Variants in GRM7 observed in about 807,000 individuals in gnomAD.
GRM7 encodes glutamate metabotropic receptor 7, also known as metabotropic glutamate receptor 7.
GRM7 carries 35 observed loss-of-function variants against 84.5 expected under a neutral mutation model. The observed-to-expected ratio is 0.41, with a 90% confidence interval of 0.32 to 0.55. The LOEUF is 0.55. Among genes scored for constraint, GRM7 ranks in the 20% least tolerant of loss-of-function variants. The pLI, the probability that GRM7 is intolerant of heterozygous loss-of-function variation, is 0.19. For synonymous variants in GRM7, 487 were observed against 455.1 expected (o/e 1.07, Z -0.89); for missense variants, 1,003 against 1,194.6 (o/e 0.84, Z 2.36).
Position 6,894,473 on chromosome 3 carries a change from A to C in GRM7, c.519+32566A>C, listed in dbSNP as rs1033958704. Among the ~76,000 whole-genome samples the C allele has an allele frequency of 4.6e-5, 7 of 152,154 alleles. No homozygotes were observed. The South Asian group carries it at 1.2e-3, about 27-fold the overall frequency. On this transcript the variant is annotated intron_variant, in intron 1 of 9. Coordinates refer to ENST00000357716, the MANE Select transcript of GRM7 (RefSeq NM_000844.4). Reference sequence around the variant, plus strand: ...TATGTCATCTATTGTTTCTATCCTAAAAATGCTAGAATGGGAGCAAATAAG... The same window carrying C: ...TATGTCATCTATTGTTTCTATCCTACAAATGCTAGAATGGGAGCAAATAAG...
chr3:6,979,117 A>T (rs190176767), intron 1 of GRM7, among the ~76,000 whole-genome samples: 18 of 152,264 alleles, frequency 1.2e-4, no homozygotes, highest in African/African-American at 3.6e-4. Context: ...ACACTAAAAT[A>T]TTTCCCAGTA....
chr3:7,059,389 AT>A (rs1237480503), intron 1 of GRM7, among the ~76,000 whole-genome samples: 1 of 151,736 alleles, frequency 6.6e-6, no homozygotes, highest in African/African-American at 2.4e-5. Context: ...TAAGCCACAG[AT>A]TTTTAAAACT....
chr3:7,135,746 A>G (rs1259251599), intron 1 of GRM7, among the ~76,000 whole-genome samples: 3 of 152,172 alleles, frequency 2.0e-5, no homozygotes, highest in Non-Finnish European at 4.4e-5. Context: ...ATACAGAGGA[A>G]TAATACAAAA....
chr3:7,098,181 T>C (rs1056781386), intron 1 of GRM7, among the ~76,000 whole-genome samples: 1 of 152,088 alleles, frequency 6.6e-6, no homozygotes, highest in Non-Finnish European at 1.5e-5. Context: ...TTGTGTGTTA[T>C]GAATGTTGAA....
At chr3:7,405,729 T>C (rs973760767) in intron 4 of GRM7, among the ~76,000 whole-genome samples, 1 of 152,172 alleles carries the variant, frequency 6.6e-6, no homozygotes, top group East Asian at 1.9e-4. Context: ...ATATTTTATA[T>C]ACATATTTTT....
chr3:7,394,270 A>G (rs1459896724), intron 4 of GRM7, among the ~76,000 whole-genome samples: 1 of 152,200 alleles, frequency 6.6e-6, no homozygotes, highest in Non-Finnish European at 1.5e-5. Flanking sequence ...ACCTACTCAG[A>G]TATCTCCAAA....
At chr3:7,218,537 G>A (rs1469424597) in intron 2 of GRM7, among the ~76,000 whole-genome samples, 2 of 151,868 alleles carry the variant, frequency 1.3e-5, no homozygotes, top group African/African-American at 4.8e-5. Flanking sequence ...AAGCTTAAAA[G>A]GAAAGGTAAA....
intron 2 of GRM7, among the ~76,000 whole-genome samples, chr3:7,171,478 C>T (rs1312913276): frequency 1.3e-5 from 2 of 152,128 alleles, no homozygotes; most frequent in African/African-American, 4.8e-5. Context: ...TAATTCAACT[C>T]ACAGCTATAG....
chr3:6,943,664 A>G (rs771243546), intron 1 of GRM7, among the ~76,000 whole-genome samples: 2 of 152,020 alleles, frequency 1.3e-5, no homozygotes, highest in Non-Finnish European at 2.9e-5. Context: ...TATGTTGCCT[A>G]TTCTAAATAT....
chr3:7,210,801 G>T (rs925458550), intron 2 of GRM7, among the ~76,000 whole-genome samples: 11 of 145,724 alleles, frequency 7.5e-5, no homozygotes, highest in Non-Finnish European at 9.1e-5. Flanking sequence ...GCTGTGTATT[G>T]TTTTTTTTTT....
In GRM7 at chr3:6,901,309, A is replaced by T. The variant is rs546916555; in HGVS notation, c.519+39402A>T. On this transcript the variant is annotated intron_variant, in intron 1 of 9. Transcript: ENST00000357716. ...TTCCTACCAGTTTAGCAATAAGAAG[A>T]TTTATGTAGGCTGGGCGCAGTGGCT... Among the ~76,000 whole-genome samples the T allele has an allele frequency of 3.9e-5, 6 of 152,256 alleles. No homozygotes were observed. The East Asian group carries it at 1.2e-3, about 29-fold the overall frequency.
chr3:7,372,225 A>G (rs186153942), intron 4 of GRM7, among the ~76,000 whole-genome samples: 1 of 152,198 alleles, frequency 6.6e-6, no homozygotes, highest in African/African-American at 2.4e-5. Context: ...TGGCATTCAC[A>G]TTGAGATTTG....
At chr3:7,355,401 C>T (rs1418558137) in intron 4 of GRM7, among the ~76,000 whole-genome samples, 2 of 151,990 alleles carry the variant, frequency 1.3e-5, no homozygotes, top group Non-Finnish European at 2.9e-5. Flanking sequence ...CTGTTCTGCC[C>T]CTTGGTCCAT....
intron 1 of GRM7, among the ~76,000 whole-genome samples, chr3:6,908,752 TC>T (rs1411233384): frequency 2.6e-5 from 4 of 152,150 alleles, no homozygotes; most frequent in Non-Finnish European, 4.4e-5. Flanking sequence ...ATAAAATTTC[TC>T]AGCCACACTG....
intron 1 of GRM7, among the ~76,000 whole-genome samples, chr3:7,050,684 G>T (rs201247151): frequency 1.3e-5 from 2 of 151,936 alleles, no homozygotes; most frequent in African/African-American, 2.4e-5. Context: ...AGCCACAAAA[G>T]TTTATTCCAA....
intron 9 of GRM7, among the ~76,000 whole-genome samples, chr3:7,700,546 C>T (rs1032222467): frequency 6.6e-6 from 1 of 152,108 alleles, no homozygotes; most frequent in Non-Finnish European, 1.5e-5. Context: ...GATTGCTAAG[C>T]TTTTAGATTC....
In GRM7 at chr3:7,126,186, A is replaced by G. The variant is rs753581318; in HGVS notation, c.520-20266A>G. Among the ~76,000 whole-genome samples the G allele has an allele frequency of 3.5e-4, 54 of 152,340 alleles. No individual in the cohort carries two copies. In the South Asian group the frequency reaches 4.4e-3, roughly 12 times the overall value. Reference sequence around the variant, plus strand: ...GTTATTCAGGTGGTTCAAACTGCCTAGGGCCTTAAGTGAACTTGAATAATA... The same window carrying G: ...GTTATTCAGGTGGTTCAAACTGCCTGGGGCCTTAAGTGAACTTGAATAATA... On this transcript the variant is annotated intron_variant, in intron 1 of 9. Transcript: ENST00000357716.
chr3:7,234,790 G>T lies in GRM7; in HGVS notation c.737-63894G>T, dbSNP rs899332205. Among the ~76,000 whole-genome samples, 4 of 152,224 alleles carry T rather than the reference G, an allele frequency of 2.6e-5. No homozygotes were observed. The East Asian group carries it at 7.7e-4, about 29-fold the overall frequency. ...TTTGTTAATGTCATGGTCAAGATAT[G>T]GAAAAGATTCCTGATATTTTCCAGA... On this transcript the variant is annotated intron_variant, in intron 2 of 9. Transcript: ENST00000357716.
intron 9 of GRM7, chr3:7,694,607 T>C (rs1700946973): frequency 6.6e-6 from 1 of 152,346 alleles, no homozygotes; most frequent in Admixed American, 6.5e-5. Flanking sequence ...TTTCACTGTA[T>C]TGTCAAATGA....
Sources: allele counts gnomAD v4.1 joint callset (sites outside exome capture counted in the v4.1 genomes callset), GRCh38; gene constraint gnomAD v4.1.1; transcripts MANE v1.5; gene names NCBI Gene and HGNC (gene_info 2026-07-23, HGNC 2026-07-21).